The following DYNC2H1 variants were observed in gnomAD, a reference collection of about 807,000 sequenced individuals.
The protein encoded by DYNC2H1 is cytoplasmic dynein 2 heavy chain 1.
A neutral mutation model predicts 570.0 loss-of-function variants in DYNC2H1; 410 were observed. The observed-to-expected ratio is 0.72, with a 90% CI of 0.66 to 0.78. The LOEUF is 0.78. Among genes scored for constraint, DYNC2H1 ranks in the 30% least tolerant of loss-of-function variants. DYNC2H1 has a pLI of 0.00. For synonymous variants in DYNC2H1, 1,688 were observed against 1,677.6 expected (o/e 1.01, Z -0.15); for missense variants, 4,865 against 5,046.4 (o/e 0.96, Z 1.09).
rs377417520 is a variant in DYNC2H1, at chr11:103,139,741, C to T, written c.2575-3527C>T. Among the ~76,000 whole-genome samples the T allele has an allele frequency of 7.2e-5, 11 of 152,012 alleles. No individual in the cohort carries two copies. In the East Asian group the frequency reaches 1.7e-3, roughly 24 times the overall value. On this transcript the variant is annotated intron_variant, in intron 17 of 88. Transcript: ENST00000375735. ...AGATGTCTATTAGGTCCACTTGGTG[C>T]AGAGCTGAGTTCAATTCCTGGGTAT... is the stretch of plus-strand genomic sequence containing the variant.
chr11:103,234,154 T>G lies in DYNC2H1; in HGVS notation c.9561T>G (p.Asn3187Lys). The G allele has an allele frequency of 6.3e-7, 1 of 1,584,622 alleles. No homozygotes were observed. Among genetic ancestry groups the G allele is most frequent in the Non-Finnish European group, 8.6e-7 (1 of 1,164,026 alleles). The change falls in exon 61 of 89, where the codon AAT becomes AAG. Residue 3187 changes from asparagine (N) to lysine (K), a missense_variant. By Grantham distance (94) the Asn-to-Lys change is moderately conservative. Coordinates refer to ENST00000375735, the MANE Select transcript of DYNC2H1 (RefSeq NM_001377.3). ...TTGACAGAGAACATAAGAGATGGAA[T>G]GCACAGGTTTGTTTGAGAGAGGGGC... is the stretch of plus-strand genomic sequence containing the variant. The part of the protein sequence containing the change: ...NQLDREHKRW[N>K]AQVVEITEEL...
intron 85 of DYNC2H1, among the ~76,000 whole-genome samples, chr11:103,453,598 A>G (rs1565612374): frequency 7.1e-6 from 1 of 140,454 alleles, no homozygotes; most frequent in Admixed American, 7.4e-5. Flanking sequence ...TCTGATTATC[A>G]GCCATGTTAG....
In DYNC2H1 at chr11:103,283,079, A is replaced by C. The variant is rs371844948; in HGVS notation, c.10884A>C (p.Thr3628=). ...AGGAACGAAGCTGGGCCGTGGCAACATTAAAGGTATTCCTTTTCTACTATG... is the reference window on the plus strand; with the variant it reads ...AGGAACGAAGCTGGGCCGTGGCAACCTTAAAGGTATTCCTTTTCTACTATG... The part of the protein sequence containing the change: ...IDQERSWAVA[T]LKIALPSLYQ... Residue 3628 remains threonine (T), a synonymous_variant, in exon 73 of 89, where the codon ACA becomes ACC. Transcript: ENST00000375735. 1.8e-5 allele frequency: 29 copies of C among 1,604,252 alleles called. No homozygotes were observed. Among genetic ancestry groups the C allele is most frequent in the African/African-American group, 2.7e-5 (2 of 74,774 alleles).
rs1468705381 is a variant in DYNC2H1, at chr11:103,305,575, TAA to T, written c.11382+856_11382+857del. Among the ~76,000 whole-genome samples the T allele has an allele frequency of 9.9e-5, 15 of 152,166 alleles. 2 individuals carry two copies. The highest frequency in any genetic ancestry group is 9.2e-4 in the Admixed American group (14 of 15,268). On this transcript the variant is annotated intron_variant, in intron 77 of 88. Transcript: ENST00000375735. The surrounding 1 kb of genome is among the most constrained non-coding windows in gnomAD (Gnocchi z 4.3). ...ACAGAGAAGTTAGTAATTAATTAAT[TAA>T]TTAATTTTTTCTGGCAGTGGTATAT...
intron 18 of DYNC2H1, among the ~76,000 whole-genome samples, chr11:103,144,199 G>A (rs1860116638): frequency 1.3e-5 from 2 of 152,180 alleles, no homozygotes; most frequent in Admixed American, 6.5e-5. Context: ...GTTACCAGCT[G>A]TATGACTGAC....
intron 21 of DYNC2H1, 104 bp from the exon 22 acceptor site, chr11:103,153,199 T>C: frequency 1.0e-6 from 1 of 968,428 alleles, no homozygotes; most frequent in Non-Finnish European, 1.5e-6. Flanking sequence ...ACATTGGTCA[T>C]TGATATTTTT....
At chr11:103,323,757 G>A (rs1938331172) in intron 81 of DYNC2H1, 129 bp from the exon 82 acceptor site, 2 of 710,868 alleles carry the variant, frequency 2.8e-6, no homozygotes. Context: ...ATCATACAAA[G>A]TGAGATTTAT....
At chr11:103,222,223 G>T in intron 58 of DYNC2H1, 70 bp downstream of exon 58, 1 of 1,080,968 alleles carries the variant, frequency 9.3e-7, no homozygotes, top group South Asian at 2.2e-5. Context: ...AAAATGTGGT[G>T]CTTTGTCATT....
rs921959786 is a variant in DYNC2H1 at position 103,151,946 on chromosome 11, A to G, written c.2947-190A>G. ...AATTTGTGTATAGTAAAAAATAACC[A>G]TCAGAAAGTTTATATCCAGGAATTT... On this transcript the variant is annotated intron_variant, in intron 20 of 88. Coordinates refer to ENST00000375735, the MANE Select transcript of DYNC2H1 (RefSeq NM_001377.3). The surrounding 1 kb of genome is among the most constrained non-coding windows in gnomAD (Gnocchi z 4.6). Among the ~76,000 whole-genome samples the G allele has an allele frequency of 4.6e-5, 7 of 152,114 alleles. No individual in the cohort carries two copies. Among genetic ancestry groups the G allele is most frequent in the Non-Finnish European group, 7.4e-5 (5 of 68,000 alleles).
intron 84 of DYNC2H1, chr11:103,402,149 C>G (rs764918792): frequency 2.6e-5 from 4 of 152,066 alleles, no homozygotes; most frequent in Non-Finnish European, 5.9e-5. Flanking sequence ...CTGTGGTGAG[C>G]TCAAGTAATT....
In DYNC2H1 at chr11:103,264,833, ACTC is replaced by A. The variant is rs1310322365; in HGVS notation, c.10695+4859_10695+4861del. On this transcript the variant is annotated intron_variant, in intron 70 of 88. Transcript: ENST00000375735. The surrounding 1 kb of genome is among the most constrained non-coding windows in gnomAD (Gnocchi z 4.8). The stretch of plus-strand genomic sequence containing the variant: ...CATGATAAGGATGCCCTCTCTCACA[ACTC>A]CTATTCAACATGGTACTGGAAGTTC... 6.6e-6 allele frequency among the ~76,000 whole-genome samples: 1 copy of A among 152,132 alleles called. No homozygotes were observed. Among genetic ancestry groups the A allele is most frequent in the East Asian group, 1.9e-4 (1 of 5,194 alleles).
In DYNC2H1 at chr11:103,220,593, G is replaced by C. The variant is rs368507639; in HGVS notation, c.8947-30G>C. ...AATGATTTAAAGAAATATATAATTT[G>C]AAGATAAAAATGGCCTTTTTCTCTT... On this transcript the variant is annotated intron_variant, in intron 56 of 88. Transcript: ENST00000375735. 4.5e-6 allele frequency: 7 copies of C among 1,550,080 alleles called. No individual in the cohort carries two copies. The African/African-American group carries it at 9.7e-5, about 21-fold the overall frequency.
At chr11:103,114,734 C>A (rs1449240935) in intron 3 of DYNC2H1, among the ~76,000 whole-genome samples, 1 of 152,100 alleles carries the variant, frequency 6.6e-6, no homozygotes, top group African/African-American at 2.4e-5. Flanking sequence ...CAATACATAA[C>A]CTTATTATTT....
At chr11:103,309,168 ATTTT>A (rs386374721) in intron 78 of DYNC2H1, among the ~76,000 whole-genome samples, 950 of 54,664 alleles carry the variant, frequency 0.017, 14 homozygotes, top group African/African-American at 0.054. Context: ...ACTGCATGCT[ATTTT>A]TTTTTTTTTT....
intron 65 of DYNC2H1, among the ~76,000 whole-genome samples, chr11:103,250,121 G>A (rs2135244782): frequency 6.6e-6 from 1 of 151,852 alleles, no homozygotes; most frequent in South Asian, 2.1e-4. Flanking sequence ...TGTGTTTTTT[G>A]TGTGTCTGTC....
intron 75 of DYNC2H1, among the ~76,000 whole-genome samples, chr11:103,298,200 A>G (rs1866912574): frequency 6.6e-6 from 1 of 151,632 alleles, no homozygotes; most frequent in Admixed American, 6.6e-5. Context: ...TACCAACGTA[A>G]TAGTCTTTTT....
rs891759413 is a variant in DYNC2H1 at position 103,252,178 on chromosome 11, G to A, written c.10043-1107G>A. Among the ~76,000 whole-genome samples, 10 of 151,140 alleles carry A rather than the reference G, an allele frequency of 6.6e-5. No individual in the cohort carries two copies. The highest frequency in any genetic ancestry group is 1.0e-4 in the Non-Finnish European group (7 of 67,908). On this transcript the variant is annotated intron_variant, in intron 65 of 88. Coordinates refer to ENST00000375735, the MANE Select transcript of DYNC2H1 (RefSeq NM_001377.3). The surrounding 1 kb of genome is among the most constrained non-coding windows in gnomAD (Gnocchi z 4.6). ...TTGAACTTCTGGTCTCAAGTGGTACGTCCGTCTCAACCTCCCAAAATGATG... is the reference window on the plus strand; with the variant it reads ...TTGAACTTCTGGTCTCAAGTGGTACATCCGTCTCAACCTCCCAAAATGATG...
At chr11:103,357,968 A>G (rs1428130711) in intron 82 of DYNC2H1, among the ~76,000 whole-genome samples, 1 of 152,122 alleles carries the variant, frequency 6.6e-6, no homozygotes. Context: ...CCAAATAACA[A>G]CAACAAATGA....
At chr11:103,364,258 A>G (rs894653194) in intron 83 of DYNC2H1, among the ~76,000 whole-genome samples, 1 of 152,184 alleles carries the variant, frequency 6.6e-6, no homozygotes, top group Non-Finnish European at 1.5e-5. Context: ...AAAGGGCTAA[A>G]TAAAACAGAA....
Sources: allele counts gnomAD v4.1 joint callset (sites outside exome capture counted in the v4.1 genomes callset), GRCh38; gene constraint gnomAD v4.1.1; non-coding constraint Gnocchi (gnomAD v3.1); transcripts MANE v1.5; gene names NCBI Gene and HGNC (gene_info 2026-07-23, HGNC 2026-07-21).